The following TMEM150B variants were observed in gnomAD, a reference collection of about 807,000 sequenced individuals.
TMEM150B encodes the protein modulator of macroautophagy TMEM150B.
Under a neutral mutation model 25.2 loss-of-function variants are expected in TMEM150B, and 33 were observed. The ratio of observed to expected loss-of-function variants is 1.31; its 90% CI spans 0.99 to 1.75. The LOEUF is 1.75. TMEM150B is among the 40% of genes most tolerant of loss of function. The probability of loss-of-function intolerance (pLI) is 0.00; values close to 1 mark genes in which losing one functional copy is unlikely to be tolerated. For missense variants in TMEM150B, 322 were observed against 306.1 expected (o/e 1.05, Z -0.39); for synonymous variants, 133 against 134.8 (o/e 0.99, Z 0.09).
intron 7 of TMEM150B, among the ~76,000 whole-genome samples, chr19:55,315,353 C>T (rs1409185944): frequency 1.3e-5 from 2 of 150,428 alleles, no homozygotes; most frequent in Non-Finnish European, 3.0e-5. Context: ...AATAATAGGC[C>T]GGGCATGGTG....
At chr19:55,317,319 T>C (rs181372789) in intron 6 of TMEM150B, among the ~76,000 whole-genome samples, 1 of 152,288 alleles carries the variant, frequency 6.6e-6, no homozygotes, top group East Asian at 1.9e-4. Context: ...GACTCACGGA[T>C]ACATAGCACA....
chr19:55,311,789 TG>T (rs1730297151), downstream of TMEM150B: 2 of 1,015,724 alleles, frequency 2.0e-6, no homozygotes, highest in Non-Finnish European at 2.9e-6. Flanking sequence ...TATCAGGGAT[TG>T]GAGCTAGAGC....
chr19:55,312,585 G>C (rs1042954311), downstream of TMEM150B: 6 of 238,258 alleles, frequency 2.5e-5, no homozygotes, highest in Admixed American at 2.4e-4. Flanking sequence ...AAATAGCCTT[G>C]ATCAGGGACA....
downstream of TMEM150B, among the ~76,000 whole-genome samples, chr19:55,310,133 C>T (rs143164844): frequency 3.1e-3 from 468 of 152,308 alleles, 5 homozygotes; most frequent in African/African-American, 0.011. The surrounding 1 kb of genome is among the most constrained non-coding windows in gnomAD (Gnocchi z 5.0). Context: ...CTATGGCCGC[C>T]GTCAACAAAT....
intron 7 of TMEM150B, among the ~76,000 whole-genome samples, chr19:55,315,050 C>T (rs937876145): frequency 2.6e-5 from 4 of 152,034 alleles, no homozygotes; most frequent in African/African-American, 7.2e-5. Context: ...GCACAGTGGC[C>T]CACACCTGTA....
At chr19:55,319,711 A>G (rs1652933308) in intron 6 of TMEM150B, 13 of 1,082,898 alleles carry the variant, frequency 1.2e-5, no homozygotes, top group Non-Finnish European at 1.5e-5. Context: ...CCGCCTCCCA[A>G]AGTGCTGGAA....
chr19:55,312,173 G>T, downstream of TMEM150B: 1 of 568,710 alleles, frequency 1.8e-6, no homozygotes, highest in South Asian at 2.7e-5. Flanking sequence ...GAGGGGGGTG[G>T]ACACAAAAAC....
chr19:55,320,003 G>C (rs762528785), intron 6 of TMEM150B, 36 bp downstream of exon 6: 40 of 1,613,324 alleles, frequency 2.5e-5, no homozygotes, highest in Middle Eastern at 1.6e-4. Context: ...TCCAGACGCC[G>C]GCCGGGACAG....
rs1272973427 is a variant in TMEM150B, at chr19:55,316,865, C to T, written c.426G>A (p.Arg142=). 3.1e-6 allele frequency: 5 copies of T among 1,597,520 alleles called. No homozygotes were observed. The highest frequency in any genetic ancestry group is 4.3e-6 in the Non-Finnish European group (5 of 1,173,992). ...TCCAGGCAGCCCCGGGCTGGGGCAG[C>T]CTCTTCAGCCTCCACAGGAGGAGCT... ...WLQLLLWRLK[R]LPQPGAAWIG... The change falls in exon 7 of 8, where the codon AGG becomes AGA. Residue 142 remains arginine (R), a synonymous_variant. Coordinates refer to ENST00000326652, the MANE Select transcript of TMEM150B (RefSeq NM_001282011.2).
In TMEM150B at chr19:55,316,650, G is replaced by A. The variant is rs148446401; in HGVS notation, c.505+136C>T. On this transcript the variant is annotated intron_variant, in intron 7 of 7. Coordinates refer to ENST00000326652, the MANE Select transcript of TMEM150B (RefSeq NM_001282011.2). ...TGACCCCGAAGTCGGCATTCTCGAT[G>A]ACAAAGCCATAATCCTGTGCAAAGA... is the stretch of plus-strand genomic sequence containing the variant. 1.7e-4 allele frequency: 164 copies of A among 952,696 alleles called. No individual in the cohort carries two copies. The African/African-American group carries it at 2.5e-3, about 15-fold the overall frequency. The allele number at this position is 952,696 out of a possible 1,614,324, so 59.0% of individuals were successfully genotyped here. A position where few individuals can be genotyped will look rare whatever the true frequency, so the allele number is the denominator to read the frequency against.
intron 2 of TMEM150B, 102 bp from the exon 3 acceptor site, chr19:55,321,195 A>C: frequency 1.4e-6 from 2 of 1,415,036 alleles, no homozygotes; most frequent in Non-Finnish European, 1.9e-6. Flanking sequence ...TAGGGGTCTG[A>C]TCTGATTGGC....
At chr19:55,309,553 G>A (rs2088734225), downstream of TMEM150B, among the ~76,000 whole-genome samples, 1 of 152,220 alleles carries the variant, frequency 6.6e-6, no homozygotes, top group African/African-American at 2.4e-5. Context: ...GTCACAGACA[G>A]CACGTTGGTG....
intron 7 of TMEM150B, among the ~76,000 whole-genome samples, chr19:55,315,114 G>A (rs373787718): frequency 3.3e-5 from 5 of 152,062 alleles, no homozygotes; most frequent in South Asian, 2.1e-4. Context: ...TCAGGAGTTC[G>A]AGACCAGCCT....
rs550705585 is a variant in TMEM150B at position 55,321,326 on chromosome 19, T to C, written c.-57-233A>G. Among the ~76,000 whole-genome samples, 485 of 148,002 alleles carry C rather than the reference T, an allele frequency of 3.3e-3. 1 individual carries two copies. Among genetic ancestry groups the C allele is most frequent in the African/African-American group, 0.012 (449 of 38,046 alleles). ...CAGCCCCTCCTTGCACCTCCCAGCCTCTCCTTGCACCTCCCAGCCTCCAGG... is the reference window on the plus strand; with the variant it reads ...CAGCCCCTCCTTGCACCTCCCAGCCCCTCCTTGCACCTCCCAGCCTCCAGG... On this transcript the variant is annotated intron_variant, in intron 2 of 7. Transcript: ENST00000326652.
At position 55,319,785 on chromosome 19, in the gene TMEM150B, G is replaced by T. The variant is rs140559254; in HGVS notation, c.324+254C>A. ...ATCATTAAATAAGCTGGGGAGAGGGGCTGGCAGAAAATTATCCCAACGTCC... is the reference window on the plus strand; with the variant it reads ...ATCATTAAATAAGCTGGGGAGAGGGTCTGGCAGAAAATTATCCCAACGTCC... On this transcript the variant is annotated intron_variant, in intron 6 of 7. Coordinates refer to ENST00000326652, the MANE Select transcript of TMEM150B (RefSeq NM_001282011.2). 27 of 1,317,426 alleles carry T rather than the reference G, an allele frequency of 2.0e-5. No homozygotes were observed. The East Asian group carries it at 8.9e-4, about 43-fold the overall frequency. 81.6% of individuals were successfully genotyped at this position (1,317,426 alleles called of 1,614,324 possible).
chr19:55,313,735 C>T (rs961439916), intron 7 of TMEM150B, among the ~76,000 whole-genome samples: 7 of 152,246 alleles, frequency 4.6e-5, no homozygotes, highest in African/African-American at 9.6e-5. Flanking sequence ...TGGTCTGTCC[C>T]GTCCCTCCTC....
downstream of TMEM150B, chr19:55,312,702 C>T (rs547643267): frequency 5.0e-5 from 35 of 706,354 alleles, 1 homozygote; most frequent in South Asian, 6.4e-4. Flanking sequence ...AGGCCCTCCG[C>T]GCCGGCACAC....
At position 55,316,931 on chromosome 19, in the gene TMEM150B, G is replaced by A. The variant is rs2089023531; in HGVS notation, c.360C>T (p.Ala120=). 1.9e-6 allele frequency: 3 copies of A among 1,606,384 alleles called. No individual in the cohort carries two copies. The highest frequency in any genetic ancestry group is 1.7e-5 in the Admixed American group (1 of 57,422). Residue 120 remains alanine, a synonymous_variant, in exon 7 of 8, where the codon GCC becomes GCT. Coordinates refer to ENST00000326652, the MANE Select transcript of TMEM150B (RefSeq NM_001282011.2). ...KNQRPTHLAG[A]FLAFILGNVY... Reference sequence around the variant, plus strand: ...CGTTACCCAAGATGAAGGCAAGGAAGGCCCCTGCCAAGTGCGTAGGCCGCT... The same window carrying A: ...CGTTACCCAAGATGAAGGCAAGGAAAGCCCCTGCCAAGTGCGTAGGCCGCT...
downstream of TMEM150B, chr19:55,312,794 G>A (rs570750574): frequency 1.6e-4 from 238 of 1,465,858 alleles, no homozygotes; most frequent in African/African-American, 2.9e-3. Flanking sequence ...TGGGTGCGGG[G>A]CACTGGGATT....
Sources: gnomAD v4.1 joint callset for allele counts (sites outside exome capture counted in the v4.1 genomes callset) on GRCh38, gnomAD v4.1.1 for gene constraint, Gnocchi (gnomAD v3.1) non-coding constraint, MANE v1.5 for transcripts, NCBI Gene and HGNC (gene_info 2026-07-23, HGNC 2026-07-21) for gene names.